Variants in KCNMB2 observed in about 807,000 individuals in gnomAD.
KCNMB2 encodes the protein calcium-activated potassium channel subunit beta-2.
Under a neutral mutation model 24.5 loss-of-function variants are expected in KCNMB2, and 9 were observed. The observed-to-expected ratio is 0.37, with a 90% CI of 0.22 to 0.64. The LOEUF (loss-of-function observed/expected upper bound fraction) is 0.64, where lower values mean the gene tolerates loss of function less well. KCNMB2 is among the 30% of genes least tolerant of loss of function. KCNMB2 has a pLI of 0.63. For missense variants in KCNMB2, 226 were observed against 284.3 expected (o/e 0.79, Z 1.47); for synonymous variants, 109 against 104.4 (o/e 1.04, Z -0.27).
Position 178,731,113 on chromosome 3 carries a change from A to G in KCNMB2, c.-67-76230A>G, listed in dbSNP as rs77929543. On this transcript the variant is annotated intron_variant, in intron 1 of 4. Transcript: ENST00000452583. ...GCTTTTAACAAAGGGAAAAGAAAGA[A>G]AAAAAAATAAGGAAAAGGAAGAAAA... Among the ~76,000 whole-genome samples the G allele has an allele frequency of 9.2e-5, 14 of 152,026 alleles. No homozygotes were observed. In the East Asian group the frequency reaches 2.7e-3, roughly 29 times the overall value.
At chr3:178,616,997 G>T (rs1036735552) in intron 1 of KCNMB2, among the ~76,000 whole-genome samples, 4 of 152,084 alleles carry the variant, frequency 2.6e-5, no homozygotes, top group Admixed American at 1.3e-4. Flanking sequence ...CTATCTCACT[G>T]GGGAAATGTG....
At chr3:178,817,524 T>C (rs1714457300) in intron 2 of KCNMB2, among the ~76,000 whole-genome samples, 1 of 152,152 alleles carries the variant, frequency 6.6e-6, no homozygotes, top group African/African-American at 2.4e-5. Flanking sequence ...AGGTGTGTTC[T>C]CGTGGGGCAG....
chr3:178,541,806 A>G (rs1168433776), intron 1 of KCNMB2, among the ~76,000 whole-genome samples: 1 of 152,144 alleles, frequency 6.6e-6, no homozygotes, highest in Non-Finnish European at 1.5e-5. Context: ...AGTATGTTCA[A>G]TTCTTTGCCT....
rs565285495 is a variant in KCNMB2 at position 178,635,143 on chromosome 3, A to G, written c.-68+98432A>G. ...TGGAAGGGCTGGAGAGGAAACAGCA[A>G]TGCCCAGTGCACAAAGATTTTATTG... On this transcript the variant is annotated intron_variant, in intron 1 of 4. Coordinates refer to ENST00000452583, the MANE Select transcript of KCNMB2 (RefSeq NM_181361.3). Among the ~76,000 whole-genome samples the G allele has an allele frequency of 5.6e-4, 85 of 152,286 alleles. 1 individual carries two copies. Among genetic ancestry groups the G allele is most frequent in the African/African-American group, 1.9e-3 (80 of 41,576 alleles).
At chr3:178,759,788 ATATATATATC>A (rs1711665608) in intron 1 of KCNMB2, among the ~76,000 whole-genome samples, 1 of 45,628 alleles carries the variant, frequency 2.2e-5, no homozygotes, top group African/African-American at 1.1e-4. Flanking sequence ...ATATCTATAT[ATATATATATC>A]CAAGAGGATA....
chr3:178,688,247 C>T (rs1013208085), intron 1 of KCNMB2, among the ~76,000 whole-genome samples: 2 of 152,158 alleles, frequency 1.3e-5, no homozygotes, highest in Non-Finnish European at 2.9e-5. Flanking sequence ...GCAAATTTTG[C>T]TACTTCATCA....
intron 1 of KCNMB2, among the ~76,000 whole-genome samples, chr3:178,633,051 C>A (rs929646645): frequency 6.6e-6 from 1 of 152,242 alleles, no homozygotes; most frequent in Non-Finnish European, 1.5e-5. Context: ...ATCCAGGTCA[C>A]ACTGATGCAA....
chr3:178,661,668 G>A lies in KCNMB2; in HGVS notation c.-68+124957G>A, dbSNP rs116499828. On this transcript the variant is annotated intron_variant, in intron 1 of 4. Transcript: ENST00000452583. Reference sequence around the variant, plus strand: ...CTGATCATTATGCTTGCTACTCAAAGTGTGGTCCATGCACCAGCAGCATTA... The same window carrying A: ...CTGATCATTATGCTTGCTACTCAAAATGTGGTCCATGCACCAGCAGCATTA... 5.2e-3 allele frequency among the ~76,000 whole-genome samples: 794 copies of A among 152,256 alleles called. 5 individuals carry two copies. The highest frequency in any genetic ancestry group is 0.018 in the African/African-American group (752 of 41,540).
intron 4 of KCNMB2, among the ~76,000 whole-genome samples, chr3:178,837,114 T>C (rs1715262713): frequency 6.6e-6 from 1 of 152,146 alleles, no homozygotes; most frequent in Non-Finnish European, 1.5e-5. Flanking sequence ...GCAAGGGACA[T>C]GAGATGACAG....
At chr3:178,723,149 T>C (rs1291082845) in intron 1 of KCNMB2, among the ~76,000 whole-genome samples, 1 of 152,192 alleles carries the variant, frequency 6.6e-6, no homozygotes, top group Non-Finnish European at 1.5e-5. Context: ...TATAATAATA[T>C]AATTCCTCCA....
chr3:178,743,690 G>C (rs1241601227), intron 1 of KCNMB2, among the ~76,000 whole-genome samples: 1 of 152,162 alleles, frequency 6.6e-6, no homozygotes, highest in African/African-American at 2.4e-5. Context: ...TGCCATGGTG[G>C]GGGGAACCAC....
At chr3:178,627,555 A>G (rs2108534050) in intron 1 of KCNMB2, among the ~76,000 whole-genome samples, 1 of 152,322 alleles carries the variant, frequency 6.6e-6, no homozygotes, top group Non-Finnish European at 1.5e-5. Context: ...ATAACATTCT[A>G]TATGAAACAA....
At chr3:178,627,091 T>C (rs1719147810) in intron 1 of KCNMB2, among the ~76,000 whole-genome samples, 1 of 151,998 alleles carries the variant, frequency 6.6e-6, no homozygotes, top group Non-Finnish European at 1.5e-5. Flanking sequence ...AATTGCCTCA[T>C]AGAGGTTTAA....
intron 1 of KCNMB2, among the ~76,000 whole-genome samples, chr3:178,605,830 G>T (rs1027653737): frequency 6.6e-6 from 1 of 152,190 alleles, no homozygotes; most frequent in African/African-American, 2.4e-5. Context: ...TAAAAGTACA[G>T]CTTGGTGCCC....
chr3:178,643,055 T>C (rs1719782957), intron 1 of KCNMB2, among the ~76,000 whole-genome samples: 2 of 152,154 alleles, frequency 1.3e-5, no homozygotes, highest in African/African-American at 4.8e-5. Flanking sequence ...TGGTACACAA[T>C]AGCATAGAAT....
chr3:178,536,800 G>A (rs1444927652), intron 1 of KCNMB2, 89 bp downstream of exon 1: 1 of 152,710 alleles, frequency 6.5e-6, no homozygotes, highest in East Asian at 1.9e-4. Flanking sequence ...TTGCAGCCAG[G>A]TGCGGAGTGA....
intron 1 of KCNMB2, among the ~76,000 whole-genome samples, chr3:178,557,795 T>C (rs981431554): frequency 1.3e-5 from 2 of 152,214 alleles, no homozygotes; most frequent in African/African-American, 4.8e-5. Context: ...TCCTTGATGG[T>C]ATCTTGGAGA....
intron 1 of KCNMB2, among the ~76,000 whole-genome samples, chr3:178,704,528 G>T (rs13060395): frequency 0.33 from 49,705 of 151,914 alleles, 8,833 homozygotes; most frequent in African/African-American, 0.47. Flanking sequence ...AGTGGCTATT[G>T]TATTTATTGG....
At chr3:178,585,545 C>T (rs1717396548) in intron 1 of KCNMB2, among the ~76,000 whole-genome samples, 1 of 152,100 alleles carries the variant, frequency 6.6e-6, no homozygotes, top group African/African-American at 2.4e-5. Flanking sequence ...GGGAGAGAGA[C>T]AGGGCTGGAA....
Sources: allele counts gnomAD v4.1 joint callset (sites outside exome capture counted in the v4.1 genomes callset), GRCh38; gene constraint gnomAD v4.1.1; transcripts MANE v1.5; gene names NCBI Gene and HGNC (gene_info 2026-07-23, HGNC 2026-07-21).